Variants in RBMS1 observed in about 807,000 individuals in gnomAD.
RBMS1 encodes RNA binding motif single stranded interacting protein 1.
In RBMS1, 17 loss-of-function variants were observed where a neutral mutation model predicts 62.3. That is an observed-to-expected ratio of 0.27 (90% CI 0.19 to 0.41). The LOEUF is 0.41. RBMS1 is among the 10% of genes least tolerant of loss of function. RBMS1 has a pLI of 1.00. For missense variants in RBMS1, 334 were observed against 504.5 expected, an observed-to-expected ratio of 0.66 and a Z score of 3.24; for synonymous variants, 172 against 170.0, an observed-to-expected ratio of 1.01 and a Z score of -0.09.
At chr2:160,373,718 A>T (rs1372849571) in intron 1 of RBMS1, among the ~76,000 whole-genome samples, 2 of 152,242 alleles carry the variant, frequency 1.3e-5, no homozygotes, top group Non-Finnish European at 2.9e-5. Context: ...AGAGAAAGTA[A>T]GGGGACTAAG....
At chr2:160,393,536 T>C (rs1397085633) in intron 1 of RBMS1, among the ~76,000 whole-genome samples, 2 of 152,154 alleles carry the variant, frequency 1.3e-5, no homozygotes, top group Admixed American at 1.3e-4. Flanking sequence ...CTAGCAACTT[T>C]GGGAGGCCGA....
chr2:160,284,582 C>T, intron 9 of RBMS1, 193 bp downstream of exon 9: 1 of 569,388 alleles, frequency 1.8e-6, no homozygotes, highest in Admixed American at 3.1e-5. Flanking sequence ...AAACATTTTC[C>T]TTTGCTTTAC....
intron 2 of RBMS1, among the ~76,000 whole-genome samples, chr2:160,343,035 GA>G (rs773475776): frequency 1.3e-5 from 2 of 152,236 alleles, no homozygotes; most frequent in Non-Finnish European, 2.9e-5. Flanking sequence ...GGAGCTCATG[GA>G]AACTTACTGA....
chr2:160,493,064 C>T, intron 1 of RBMS1: 3 of 514,496 alleles, frequency 5.8e-6, no homozygotes, highest in South Asian at 5.3e-5. Flanking sequence ...CTAGTCTCTC[C>T]CCCCGCGGCT....
chr2:160,337,135 C>CTTTTTTT (rs768216149), intron 2 of RBMS1, among the ~76,000 whole-genome samples: 3 of 136,400 alleles, frequency 2.2e-5, no homozygotes, highest in African/African-American at 8.1e-5. Flanking sequence ...TTTTTCTTTT[C>CTTTTTTT]TTTTTTTTTT....
At chr2:160,303,579 T>C in intron 4 of RBMS1, 92 bp from the exon 5 acceptor site, 1 of 1,389,368 alleles carries the variant, frequency 7.2e-7, no homozygotes, top group South Asian at 1.4e-5. Flanking sequence ...CTTTCTTTGC[T>C]CAAGTCCTTT....
intron 1 of RBMS1, among the ~76,000 whole-genome samples, chr2:160,475,556 A>C (rs927401332): frequency 1.1e-4 from 16 of 152,206 alleles, no homozygotes; most frequent in African/African-American, 3.4e-4. Flanking sequence ...CTGGCCTCAG[A>C]AAATGTCGTT....
At chr2:160,424,848 G>A (rs905891437) in intron 1 of RBMS1, among the ~76,000 whole-genome samples, 1 of 151,838 alleles carries the variant, frequency 6.6e-6, no homozygotes. Flanking sequence ...TTTGTCCCCT[G>A]GGCAACTAAA....
chr2:160,456,674 A>G (rs1009639645), intron 1 of RBMS1, among the ~76,000 whole-genome samples: 1 of 152,176 alleles, frequency 6.6e-6, no homozygotes, highest in Non-Finnish European at 1.5e-5. Context: ...CCTTCACCAC[A>G]TGGAAGCTGA....
chr2:160,324,666 C>T (rs566134980), intron 2 of RBMS1, among the ~76,000 whole-genome samples: 25 of 151,554 alleles, frequency 1.6e-4, no homozygotes, highest in Non-Finnish European at 1.6e-4. Context: ...TCACACATCC[C>T]GTAAAAGACG....
chr2:160,448,377 C>T (rs1175006333), intron 1 of RBMS1, among the ~76,000 whole-genome samples: 3 of 151,740 alleles, frequency 2.0e-5, no homozygotes, highest in Non-Finnish European at 4.4e-5. Flanking sequence ...GCCATCTCGG[C>T]TCACTGCAAC....
intron 2 of RBMS1, among the ~76,000 whole-genome samples, chr2:160,348,677 C>A (rs1692317945): frequency 6.6e-6 from 1 of 152,124 alleles, no homozygotes; most frequent in South Asian, 2.1e-4. Flanking sequence ...AGAAATCTAT[C>A]ATAAGCAGCT....
chr2:160,315,479 T>C (rs1000419564), intron 3 of RBMS1, among the ~76,000 whole-genome samples: 1 of 152,192 alleles, frequency 6.6e-6, no homozygotes, highest in African/African-American at 2.4e-5. Flanking sequence ...GGAATAGTTA[T>C]GTTACTCCTG....
At position 160,493,762 on chromosome 2, in the gene RBMS1, T is replaced by G; in HGVS notation, c.-399A>C. The G allele has an allele frequency of 5.3e-6, 1 of 189,176 alleles. No homozygotes were observed. The highest frequency in any genetic ancestry group is 1.0e-5 in the Non-Finnish European group (1 of 95,332). 11.7% of individuals were successfully genotyped at this position (189,176 alleles called of 1,614,324 possible). ...GGGGCTGAGAGGTGATCAATACAAG[T>G]GGAAAGTGCGGCAGCGGCGGCTGCG... On this transcript the variant is annotated 5_prime_UTR_variant, in exon 1 of 14. Transcript: ENST00000348849.
rs74488936 is a variant in RBMS1, at chr2:160,356,400, G to C, written c.251+10816C>G. On this transcript the variant is annotated intron_variant, in intron 2 of 13. Transcript: ENST00000348849. ...CTATCATGGCCCAATATCTCTTAGG[G>C]TCCTGGAGAAATTAGTCTATTGTAG... 7.7e-4 allele frequency among the ~76,000 whole-genome samples: 115 copies of C among 150,152 alleles called. No individual in the cohort carries two copies. The East Asian group carries it at 0.021, about 27-fold the overall frequency.
intron 1 of RBMS1, among the ~76,000 whole-genome samples, chr2:160,461,017 G>C (rs1217852960): frequency 6.6e-6 from 1 of 152,222 alleles, no homozygotes; most frequent in African/African-American, 2.4e-5. Flanking sequence ...CCAATACTTT[G>C]GGAGGCCAAG....
chr2:160,314,305 G>A (rs570749154), intron 3 of RBMS1, among the ~76,000 whole-genome samples: 80 of 152,190 alleles, frequency 5.3e-4, no homozygotes, highest in South Asian at 4.6e-3. Flanking sequence ...GTAGACTAAC[G>A]AAACGGTACC....
At chr2:160,316,314 T>C (rs1690218669) in intron 3 of RBMS1, among the ~76,000 whole-genome samples, 1 of 152,162 alleles carries the variant, frequency 6.6e-6, no homozygotes, top group Admixed American at 6.5e-5. Context: ...TTGACACCTA[T>C]TGCTGGGAGG....
chr2:160,295,110 T>C (rs1228867636), intron 6 of RBMS1, among the ~76,000 whole-genome samples: 3 of 152,192 alleles, frequency 2.0e-5, no homozygotes, highest in Non-Finnish European at 4.4e-5. Flanking sequence ...GGACTTGTTT[T>C]GGAAAAAGCT....
Sources: gnomAD v4.1 joint callset for allele counts (sites outside exome capture counted in the v4.1 genomes callset) on GRCh38, gnomAD v4.1.1 for gene constraint, MANE v1.5 for transcripts, NCBI Gene and HGNC (gene_info 2026-07-23, HGNC 2026-07-21) for gene names.